Variants in SPIRE1 observed in about 807,000 individuals in gnomAD.
SPIRE1 encodes spire type actin nucleation factor 1.
Under a neutral mutation model 94.1 loss-of-function variants are expected in SPIRE1, and 40 were observed. The observed-to-expected ratio is 0.43, with a 90% CI of 0.33 to 0.55. The LOEUF is 0.55. Ranked by LOEUF, SPIRE1 falls within the 20% of genes least tolerant of loss-of-function variation. The pLI is 0.06. For missense variants in SPIRE1, 838 were observed against 975.2 expected (o/e 0.86, Z 1.87); for synonymous variants, 376 against 371.7 (o/e 1.01, Z -0.13).
chr18:12,453,996 G>A (rs1256808300), intron 13 of SPIRE1, among the ~76,000 whole-genome samples: 1 of 152,074 alleles, frequency 6.6e-6, no homozygotes, highest in Non-Finnish European at 1.5e-5. Flanking sequence ...TGTTGGCCAG[G>A]ATGGTCTTGA....
At chr18:12,537,765 C>A (rs540575868) in intron 3 of SPIRE1, among the ~76,000 whole-genome samples, 1 of 152,146 alleles carries the variant, frequency 6.6e-6, no homozygotes, top group African/African-American at 2.4e-5. Context: ...TTTACAATTG[C>A]ATCAAAAATG....
At chr18:12,636,459 A>G (rs1156492821) in intron 1 of SPIRE1, 4 of 147,724 alleles carry the variant, frequency 2.7e-5, no homozygotes, top group African/African-American at 1.0e-4. Flanking sequence ...TATGCTCCCA[A>G]TTCTTAAAAT....
At chr18:12,621,704 A>T (rs1000947217) in intron 2 of SPIRE1, among the ~76,000 whole-genome samples, 5 of 152,220 alleles carry the variant, frequency 3.3e-5, no homozygotes, top group Non-Finnish European at 5.9e-5. Context: ...TGGGGCTAGG[A>T]GGTGATAGCT....
At chr18:12,580,804 C>A (rs1365582724) in intron 2 of SPIRE1, among the ~76,000 whole-genome samples, 1 of 152,098 alleles carries the variant, frequency 6.6e-6, no homozygotes, top group Admixed American at 6.5e-5. Context: ...AATTCCAACA[C>A]TTGGGAGGCG....
chr18:12,653,079 C>T (rs2038426429), intron 1 of SPIRE1: 1 of 152,202 alleles, frequency 6.6e-6, no homozygotes, highest in African/African-American at 2.4e-5. Flanking sequence ...TGGTTCTCAA[C>T]TGGGATGATT....
chr18:12,563,590 A>C (rs932073371), intron 2 of SPIRE1, among the ~76,000 whole-genome samples: 2 of 152,200 alleles, frequency 1.3e-5, no homozygotes, highest in Admixed American at 1.3e-4. Flanking sequence ...AACTTCATCT[A>C]TATAGTCCAA....
chr18:12,478,523 ATGTG>A (rs1401793833), intron 10 of SPIRE1, among the ~76,000 whole-genome samples: 1 of 124,858 alleles, frequency 8.0e-6, no homozygotes, highest in Non-Finnish European at 1.7e-5. Context: ...GTGTGTGTGC[ATGTG>A]TGTGTGTAGC....
intron 1 of SPIRE1, among the ~76,000 whole-genome samples, chr18:12,641,252 TG>T (rs1462435881): frequency 6.6e-6 from 1 of 152,212 alleles, no homozygotes; most frequent in Non-Finnish European, 1.5e-5. Flanking sequence ...TTATTAAATA[TG>T]CTTCTGGGAC....
rs869122444 is a variant in SPIRE1 at position 12,549,439 on chromosome 18, GTTTTTTTTTTTTTTTT to G, written c.373-2551_373-2536del. 4.1e-4 allele frequency among the ~76,000 whole-genome samples: 17 copies of G among 41,258 alleles called. No homozygotes were observed. The South Asian group carries it at 5.1e-3, about 12-fold the overall frequency. 27.1% of individuals were successfully genotyped at this position (41,258 alleles called of 152,430 possible). ...CTTTTTGTTTGTTTTTGTTATTGTT[GTTTTTTTTTTTTTTTT>G]TTTTTTTTTTTTTTGGAGACAGAGT... is the stretch of plus-strand genomic sequence containing the variant. On this transcript the variant is annotated intron_variant, in intron 2 of 16. Transcript: ENST00000409402.
chr18:12,462,260 C>T (rs1275311700), intron 12 of SPIRE1, among the ~76,000 whole-genome samples: 2 of 152,204 alleles, frequency 1.3e-5, no homozygotes, highest in Non-Finnish European at 2.9e-5. Context: ...GCATTATCTC[C>T]CATCTGTTAT....
chr18:12,496,003 T>C lies in SPIRE1; in HGVS notation c.1059+13A>G. 1.3e-6 allele frequency: 2 copies of C among 1,577,152 alleles called. No homozygotes were observed. The highest frequency in any genetic ancestry group is 2.2e-5 in the East Asian group (1 of 44,688). On this transcript the variant is annotated intron_variant, in intron 7 of 16. Transcript: ENST00000409402. ...GATATCTCCAATCTAGAGAACTATG[T>C]CGAATTACATACTGGATTTAAAGGA... is the stretch of plus-strand genomic sequence containing the variant.
At chr18:12,587,369 A>T (rs1343530257) in intron 2 of SPIRE1, among the ~76,000 whole-genome samples, 2 of 151,168 alleles carry the variant, frequency 1.3e-5, no homozygotes, top group African/African-American at 2.4e-5. Flanking sequence ...CCTGCTCTGT[A>T]ATAAGACAAT....
chr18:12,629,369 A>G (rs1163902449), intron 2 of SPIRE1, among the ~76,000 whole-genome samples: 1 of 152,230 alleles, frequency 6.6e-6, no homozygotes, highest in Non-Finnish European at 1.5e-5. Flanking sequence ...CCACAAAACT[A>G]TTTAAACAAT....
intron 2 of SPIRE1, among the ~76,000 whole-genome samples, chr18:12,619,379 G>A (rs2037398702): frequency 6.6e-6 from 1 of 151,804 alleles, no homozygotes; most frequent in African/African-American, 2.4e-5. Flanking sequence ...GTGGTGGCAG[G>A]CGCCTGTAAT....
At chr18:12,574,166 A>G (rs559154161) in intron 2 of SPIRE1, among the ~76,000 whole-genome samples, 3 of 152,356 alleles carry the variant, frequency 2.0e-5, no homozygotes, top group African/African-American at 7.2e-5. Context: ...GTGACTTAAG[A>G]TTATGTGAGA....
chr18:12,588,965 T>C (rs1024607488), intron 2 of SPIRE1, among the ~76,000 whole-genome samples: 2 of 152,284 alleles, frequency 1.3e-5, no homozygotes, highest in South Asian at 2.1e-4. Flanking sequence ...TTGGTCACTC[T>C]TGCATTCTCA....
chr18:12,507,438 C>T (rs1036067458), intron 5 of SPIRE1, among the ~76,000 whole-genome samples: 5 of 152,150 alleles, frequency 3.3e-5, no homozygotes, highest in Non-Finnish European at 7.3e-5. Flanking sequence ...ATGGGTCACA[C>T]CTGTAATCCC....
chr18:12,530,121 C>A (rs2034642600), intron 4 of SPIRE1, among the ~76,000 whole-genome samples: 3 of 152,252 alleles, frequency 2.0e-5, no homozygotes, highest in African/African-American at 7.2e-5. Flanking sequence ...CAGCATTGAA[C>A]TGCTTTTCTG....
chr18:12,551,750 G>T (rs1253261387), intron 2 of SPIRE1, among the ~76,000 whole-genome samples: 1 of 151,570 alleles, frequency 6.6e-6, no homozygotes, highest in Admixed American at 6.6e-5. Context: ...CAAGAGAGCT[G>T]AATAGACAGC....
Sources: allele counts gnomAD v4.1 joint callset (sites outside exome capture counted in the v4.1 genomes callset), GRCh38; gene constraint gnomAD v4.1.1; transcripts MANE v1.5; gene names NCBI Gene and HGNC (gene_info 2026-07-23, HGNC 2026-07-21).